Variants in TAF12 observed in about 807,000 individuals in gnomAD.
TAF12 encodes transcription initiation factor TFIID subunit 12.
TAF12 carries 3 observed loss-of-function variants against 20.8 expected under a neutral mutation model. That is an observed-to-expected ratio of 0.14 (90% CI 0.07 to 0.37). The LOEUF is 0.37. TAF12 is among the 10% of genes least tolerant of loss of function. The probability of loss-of-function intolerance (pLI) is 1.00; values close to 1 mark genes in which losing one functional copy is unlikely to be tolerated. For synonymous variants in TAF12, 69 were observed against 70.2 expected (o/e 0.98, Z 0.09); for missense variants, 131 against 197.9 (o/e 0.66, Z 2.03).
chr1:28,616,040 A>G (rs571640650), intron 3 of TAF12, among the ~76,000 whole-genome samples: 1 of 152,292 alleles, frequency 6.6e-6, no homozygotes, highest in Non-Finnish European at 1.5e-5. Flanking sequence ...TTACCCATAT[A>G]TTACTGGGCC....
At chr1:28,621,296 G>T (rs998491422) in intron 2 of TAF12, among the ~76,000 whole-genome samples, 1 of 152,142 alleles carries the variant, frequency 6.6e-6, no homozygotes, top group Non-Finnish European at 1.5e-5. Context: ...AAGTCAAAGG[G>T]ATTATACTTA....
chr1:28,620,390 C>T (rs1667177531), intron 2 of TAF12, among the ~76,000 whole-genome samples: 1 of 151,818 alleles, frequency 6.6e-6, no homozygotes, highest in Non-Finnish European at 1.5e-5. Flanking sequence ...GCCTTGGCCT[C>T]CCAAAGTGCT....
Position 28,613,263 on chromosome 1 carries a change from A to T in TAF12, c.345T>A (p.Asp115Glu). The stretch of plus-strand genomic sequence containing the variant: ...ACCACATACCTAAATGCAGCTGGAC[A>T]TCTTTCACCTCCAGGGTGCTAGACT... ...HRKSSTLEVK[D>E]VQLHLERQWN... Residue 115 changes from aspartate (D) to glutamate (E), a missense_variant, in exon 4 of 6, where the codon GAT becomes GAA. This residue lies in a region of TAF12 where 60 missense variants were observed against 90.2 expected (regional missense o/e 0.66). Coordinates refer to ENST00000373824, the MANE Select transcript of TAF12 (RefSeq NM_005644.4). 6.2e-7 allele frequency: 1 copy of T among 1,609,894 alleles called. No homozygotes were observed. The highest frequency in any genetic ancestry group is 8.5e-7 in the Non-Finnish European group (1 of 1,178,214).
intron 5 of TAF12, 119 bp downstream of exon 5, chr1:28,605,253 A>T: frequency 3.1e-6 from 3 of 976,106 alleles, no homozygotes; most frequent in Non-Finnish European, 4.8e-6. Flanking sequence ...TGCTCCAGAG[A>T]GTGAAGTTTG....
At chr1:28,616,413 A>G (rs1164062303) in intron 3 of TAF12, among the ~76,000 whole-genome samples, 2 of 149,752 alleles carry the variant, frequency 1.3e-5, no homozygotes, top group African/African-American at 4.9e-5. Context: ...AAAAAAAAAG[A>G]AAAGAAAAAG....
chr1:28,637,675 ATTTTCT>A (rs1315077454), intron 1 of TAF12, among the ~76,000 whole-genome samples: 2 of 151,704 alleles, frequency 1.3e-5, no homozygotes, highest in Non-Finnish European at 2.9e-5. Context: ...CAGAAAAAAG[ATTTTCT>A]TTTTTTTATT....
Position 28,620,442 on chromosome 1 carries a change from A to AT in TAF12, c.168+1471dup, listed in dbSNP as rs940058008. 4.4e-3 allele frequency among the ~76,000 whole-genome samples: 566 copies of AT among 128,290 alleles called. 2 individuals carry two copies. Among genetic ancestry groups the AT allele is most frequent in the African/African-American group, 0.014 (483 of 34,360 alleles). 84.2% of individuals were successfully genotyped at this position (128,290 alleles called of 152,430 possible). On this transcript the variant is annotated intron_variant, in intron 2 of 5. Transcript: ENST00000373824. ...GCTACCGCGCACACCCAAGAAAATAATTTTTTTTTTTGCAACAGAGTCTCG... is the reference window on the plus strand; with the variant it reads ...GCTACCGCGCACACCCAAGAAAATAATTTTTTTTTTTTGCAACAGAGTCTCG...
intron 3 of TAF12, among the ~76,000 whole-genome samples, chr1:28,614,128 C>G (rs1291315186): frequency 2.0e-5 from 3 of 152,066 alleles, no homozygotes; most frequent in African/African-American, 4.8e-5. Flanking sequence ...GTCCCAGCTA[C>G]TTGGGAGGCT....
chr1:28,628,161 G>C (rs905830747), intron 1 of TAF12, among the ~76,000 whole-genome samples: 6 of 143,000 alleles, frequency 4.2e-5, no homozygotes, highest in African/African-American at 1.6e-4. Flanking sequence ...AGACCAGCCT[G>C]GTCAATATGG....
At chr1:28,628,063 G>A (rs1667479233) in intron 1 of TAF12, among the ~76,000 whole-genome samples, 1 of 151,862 alleles carries the variant, frequency 6.6e-6, no homozygotes, top group South Asian at 2.1e-4. Flanking sequence ...CTACAACTAA[G>A]AACAATAACT....
chr1:28,637,626 C>A (rs1197083930), intron 1 of TAF12, among the ~76,000 whole-genome samples: 3 of 152,038 alleles, frequency 2.0e-5, no homozygotes, highest in Non-Finnish European at 4.4e-5. Context: ...GATCACACCA[C>A]TGCACTCCAG....
intron 1 of TAF12, among the ~76,000 whole-genome samples, chr1:28,634,203 C>T (rs1056071121): frequency 6.7e-6 from 1 of 150,372 alleles, no homozygotes; most frequent in African/African-American, 2.4e-5. Context: ...ATCACAAGGT[C>T]AGGAGTTCGA....
chr1:28,613,198 C>A, intron 4 of TAF12, 49 bp downstream of exon 4: 1 of 1,506,642 alleles, frequency 6.6e-7, no homozygotes, highest in South Asian at 1.3e-5. Context: ...CCTGGCAGTC[C>A]TGAAGAAGCA....
At chr1:28,637,098 G>C (rs1230684763) in intron 1 of TAF12, among the ~76,000 whole-genome samples, 2 of 152,116 alleles carry the variant, frequency 1.3e-5, no homozygotes, top group East Asian at 3.8e-4. Context: ...CAGAAGAATG[G>C]TGGATTGGAA....
intron 1 of TAF12, among the ~76,000 whole-genome samples, chr1:28,625,558 T>C (rs1211259092): frequency 6.6e-6 from 1 of 151,112 alleles, no homozygotes; most frequent in Non-Finnish European, 1.5e-5. Flanking sequence ...TTTTTTTTTT[T>C]TGAGACGGAG....
At chr1:28,630,980 G>A (rs944562458) in intron 1 of TAF12, among the ~76,000 whole-genome samples, 3 of 150,724 alleles carry the variant, frequency 2.0e-5, no homozygotes, top group African/African-American at 2.4e-5. Context: ...GGGAGGCGGA[G>A]GTTGCAGTGA....
At chr1:28,631,664 T>A (rs897972355) in intron 1 of TAF12, among the ~76,000 whole-genome samples, 2 of 152,192 alleles carry the variant, frequency 1.3e-5, no homozygotes, top group Non-Finnish European at 2.9e-5. Flanking sequence ...ACCCTGGCTC[T>A]TTATTTATTT....
intron 4 of TAF12, among the ~76,000 whole-genome samples, chr1:28,606,593 C>A (rs1666676179): frequency 6.6e-6 from 1 of 152,170 alleles, no homozygotes; most frequent in South Asian, 2.1e-4. Context: ...AAAATTCAAG[C>A]TTCTTGCAAA....
chr1:28,647,272 C>T (rs1224021789), upstream of TAF12, among the ~76,000 whole-genome samples: 1 of 151,928 alleles, frequency 6.6e-6, no homozygotes, highest in Non-Finnish European at 1.5e-5. Context: ...AATTTCTTTA[C>T]AATTGTCACA....
Sources: allele counts gnomAD v4.1 joint callset (sites outside exome capture counted in the v4.1 genomes callset), GRCh38; gene constraint gnomAD v4.1.1; regional missense constraint gnomAD v4.1.1; transcripts MANE v1.5; gene names NCBI Gene and HGNC (gene_info 2026-07-23, HGNC 2026-07-21).